DGKB: variants seen among roughly 807,000 people sequenced by gnomAD.
The protein encoded by DGKB is 90 kDa diacylglycerol kinase.
DGKB carries 67 observed loss-of-function variants against 114.3 expected under a neutral mutation model. That is an observed-to-expected ratio of 0.59 (90% CI 0.48 to 0.72). The LOEUF (loss-of-function observed/expected upper bound fraction) is 0.72. Ranked by LOEUF, DGKB falls within the 30% of genes least tolerant of loss-of-function variation. The pLI is 0.00. For missense variants in DGKB, 907 were observed against 975.2 expected (o/e 0.93, Z 0.93); for synonymous variants, 398 against 323.1 (o/e 1.23, Z -2.49).
At chr7:14,451,492 T>C (rs1242613862) in intron 21 of DGKB, among the ~76,000 whole-genome samples, 1 of 151,920 alleles carries the variant, frequency 6.6e-6, no homozygotes, top group East Asian at 1.9e-4. Context: ...TCTTGCAGCT[T>C]CTTAGCCTCC....
intron 12 of DGKB, among the ~76,000 whole-genome samples, chr7:14,678,306 T>C (rs971020028): frequency 5.3e-5 from 8 of 152,018 alleles, no homozygotes; most frequent in African/African-American, 1.9e-4. Flanking sequence ...GCATTTGAGT[T>C]TTTCCTTTGG....
At chr7:14,168,220 A>C (rs1490167431) in intron 25 of DGKB, among the ~76,000 whole-genome samples, 1 of 152,228 alleles carries the variant, frequency 6.6e-6, no homozygotes, top group Non-Finnish European at 1.5e-5. Context: ...AAAGAGAAAA[A>C]TGTCAGTGAA....
At chr7:14,392,995 G>GTTTTGTTGTTGTTTTTTTTTTTTT (rs1554404749) in intron 21 of DGKB, among the ~76,000 whole-genome samples, 1 of 60,546 alleles carries the variant, frequency 1.7e-5, no homozygotes, top group African/African-American at 4.8e-5. Flanking sequence ...TTTTGTTTTT[G>GTTTTGTTGTTGTTTTTTTTTTTTT]TTTTTTTTTT....
rs955576100 is a variant in DGKB, at chr7:14,654,148, C to CA, written c.1134+18780dup. On this transcript the variant is annotated intron_variant, in intron 13 of 25. Coordinates refer to ENST00000402815, the MANE Select transcript of DGKB (RefSeq NM_001350709.2). ...CATATAGAAAAACCTGAAGACTTCA[C>CA]AAAAAACTCTTATGACTAAGAAATG... Among the ~76,000 whole-genome samples the CA allele has an allele frequency of 2.0e-5, 3 of 151,922 alleles. No individual in the cohort carries two copies. The East Asian group carries it at 5.8e-4, about 29-fold the overall frequency.
At chr7:14,485,094 CACCACACACA>C (rs1783574680) in intron 20 of DGKB, among the ~76,000 whole-genome samples, 1 of 75,344 alleles carries the variant, frequency 1.3e-5, no homozygotes, top group African/African-American at 5.1e-5. Context: ...GACACACACA[CACCACACACA>C]CACACACACA....
chr7:14,552,334 G>C (rs1795215924), intron 20 of DGKB, among the ~76,000 whole-genome samples: 1 of 152,158 alleles, frequency 6.6e-6, no homozygotes. Flanking sequence ...ATATCAAGGA[G>C]CTAAATGCTA....
intron 20 of DGKB, among the ~76,000 whole-genome samples, chr7:14,494,192 ATT>A (rs1401986153): frequency 6.6e-6 from 1 of 151,920 alleles, no homozygotes; most frequent in Non-Finnish European, 1.5e-5. Flanking sequence ...ATCAAAATAT[ATT>A]GTCTTATGGA....
At chr7:14,905,702 A>G (rs1489843636), upstream of DGKB, among the ~76,000 whole-genome samples, 1 of 152,194 alleles carries the variant, frequency 6.6e-6, no homozygotes, top group Non-Finnish European at 1.5e-5. Flanking sequence ...TACTGAAGAG[A>G]ACCCAAAAGT....
At chr7:14,298,175 T>C (rs138689711) in intron 23 of DGKB, among the ~76,000 whole-genome samples, 2,105 of 152,300 alleles carry the variant, frequency 0.014, 25 homozygotes, top group African/African-American at 0.038. Flanking sequence ...AAGCTACCAT[T>C]GACTTTCTTC....
At chr7:14,872,355 G>T (rs1269757600) in intron 1 of DGKB, among the ~76,000 whole-genome samples, 1 of 152,148 alleles carries the variant, frequency 6.6e-6, no homozygotes, top group Non-Finnish European at 1.5e-5. Context: ...AGCAGACTCA[G>T]GATCTCCGCA....
intron 23 of DGKB, among the ~76,000 whole-genome samples, chr7:14,206,414 C>T (rs1354548867): frequency 6.6e-6 from 1 of 151,952 alleles, no homozygotes; most frequent in Non-Finnish European, 1.5e-5. Context: ...TGCAAAAGTA[C>T]AGCAAAAGGT....
intron 2 of DGKB, among the ~76,000 whole-genome samples, chr7:14,839,800 T>A (rs1847670509): frequency 6.6e-6 from 1 of 152,214 alleles, no homozygotes; most frequent in African/African-American, 2.4e-5. Flanking sequence ...ATTTTTATTA[T>A]TATTGACTCA....
At chr7:14,513,365 T>C (rs34797401) in intron 20 of DGKB, among the ~76,000 whole-genome samples, 13,246 of 152,036 alleles carry the variant, frequency 0.087, 972 homozygotes, top group East Asian at 0.44. Context: ...TGTAAACAGC[T>C]TAACTTGCCT....
intron 9 of DGKB, among the ~76,000 whole-genome samples, chr7:14,685,745 A>G (rs1233891458): frequency 6.6e-6 from 1 of 152,200 alleles, no homozygotes; most frequent in Non-Finnish European, 1.5e-5. Flanking sequence ...CTTCAGTGGA[A>G]CAGCCTGACA....
chr7:14,839,400 TC>T (rs1847599329), intron 2 of DGKB, among the ~76,000 whole-genome samples: 2 of 149,482 alleles, frequency 1.3e-5, no homozygotes, highest in African/African-American at 2.5e-5. Flanking sequence ...TCTTTACTCT[TC>T]TTCTTCTTTT....
chr7:14,180,622 A>G (rs1208502513), intron 23 of DGKB, among the ~76,000 whole-genome samples: 2 of 152,196 alleles, frequency 1.3e-5, no homozygotes, highest in Non-Finnish European at 2.9e-5. Context: ...AGAAAACAAA[A>G]ACAAAATGAA....
chr7:14,534,398 A>G (rs1257419246), intron 20 of DGKB, among the ~76,000 whole-genome samples: 1 of 152,156 alleles, frequency 6.6e-6, no homozygotes, highest in African/African-American at 2.4e-5. Flanking sequence ...GAACAATATA[A>G]CTACAAAACA....
intron 22 of DGKB, among the ~76,000 whole-genome samples, chr7:14,342,454 A>G (rs1311213027): frequency 6.6e-6 from 1 of 151,748 alleles, no homozygotes; most frequent in Non-Finnish European, 1.5e-5. Flanking sequence ...GTTTTAAAAT[A>G]TTTTCTTGTA....
intron 21 of DGKB, among the ~76,000 whole-genome samples, chr7:14,365,303 C>T (rs182261242): frequency 6.6e-6 from 1 of 152,172 alleles, no homozygotes; most frequent in Non-Finnish European, 1.5e-5. Flanking sequence ...CAGAATTTGT[C>T]TTCTGAGAGT....
Sources: gnomAD v4.1 joint callset for allele counts (sites outside exome capture counted in the v4.1 genomes callset) on GRCh38, gnomAD v4.1.1 for gene constraint, MANE v1.5 for transcripts, NCBI Gene and HGNC (gene_info 2026-07-23, HGNC 2026-07-21) for gene names.